Variants in ADD3 observed in about 807,000 individuals in gnomAD.
The protein encoded by ADD3 is adducin 3.
A neutral mutation model predicts 80.2 loss-of-function variants in ADD3; 25 were observed. The ratio of observed to expected loss-of-function variants is 0.31; its 90% CI spans 0.23 to 0.44. The LOEUF (loss-of-function observed/expected upper bound fraction) is 0.44, where lower values mean the gene tolerates loss of function less well. ADD3 is among the 20% of genes least tolerant of loss of function. The pLI, the probability that ADD3 is intolerant of heterozygous loss-of-function variation, is 1.00. For missense variants in ADD3, 829 were observed against 847.5 expected, an observed-to-expected ratio of 0.98 and a Z score of 0.27; for synonymous variants, 284 against 289.6, an observed-to-expected ratio of 0.98 and a Z score of 0.20.
intron 9 of ADD3, 61 bp downstream of exon 9, chr10:110,122,353 T>C (rs996047722): frequency 1.8e-5 from 27 of 1,471,812 alleles, no homozygotes; most frequent in Non-Finnish European, 2.4e-5. Flanking sequence ...GAGCAGATGC[T>C]TCCATTTTTG....
intron 1 of ADD3, among the ~76,000 whole-genome samples, chr10:110,065,233 A>G (rs1201050234): frequency 1.3e-5 from 2 of 152,150 alleles, no homozygotes; most frequent in African/African-American, 4.8e-5. Flanking sequence ...TTTGTTAGAT[A>G]TACAATTCCT....
upstream of ADD3, among the ~76,000 whole-genome samples, chr10:110,003,105 G>A (rs1327410257): frequency 1.3e-5 from 2 of 151,886 alleles, no homozygotes; most frequent in Non-Finnish European, 2.9e-5. Flanking sequence ...ATAACATTAT[G>A]TAGTTTGAAA....
chr10:110,042,560 A>G (rs1361288022), intron 1 of ADD3, among the ~76,000 whole-genome samples: 2 of 152,186 alleles, frequency 1.3e-5, no homozygotes, highest in African/African-American at 2.4e-5. Flanking sequence ...TTATAATAAT[A>G]CTATCTTTAA....
intron 1 of ADD3, among the ~76,000 whole-genome samples, chr10:110,026,776 ATTT>A (rs199911023): frequency 6.9e-6 from 1 of 145,692 alleles, no homozygotes. Flanking sequence ...TTAATGATTG[ATTT>A]TTTTTTTTTT....
chr10:110,023,570 T>A (rs190409000), intron 1 of ADD3, among the ~76,000 whole-genome samples: 47 of 152,196 alleles, frequency 3.1e-4, no homozygotes, highest in African/African-American at 9.7e-4. Context: ...AATGTGGCAT[T>A]TGACTCCATT....
intron 1 of ADD3, among the ~76,000 whole-genome samples, chr10:110,072,400 C>G (rs2133659556): frequency 6.6e-6 from 1 of 152,282 alleles, no homozygotes; most frequent in South Asian, 2.1e-4. Flanking sequence ...CTTTTTCAAC[C>G]CCTGGTCTAG....
At chr10:110,026,085 A>G (rs974506835) in intron 1 of ADD3, among the ~76,000 whole-genome samples, 8 of 152,306 alleles carry the variant, frequency 5.3e-5, no homozygotes, top group Admixed American at 5.2e-4. Context: ...AGTCATGTAC[A>G]TGGTAAATGT....
intron 1 of ADD3, among the ~76,000 whole-genome samples, chr10:110,053,792 TTAA>T (rs1857804444): frequency 6.6e-6 from 1 of 152,196 alleles, no homozygotes; most frequent in African/African-American, 2.4e-5. Context: ...GTTGAAAGTA[TTAA>T]TAAGTTTAAC....
intron 12 of ADD3, among the ~76,000 whole-genome samples, chr10:110,126,897 T>G (rs1852239191): frequency 6.6e-6 from 1 of 152,252 alleles, no homozygotes; most frequent in Non-Finnish European, 1.5e-5. Flanking sequence ...TCTATCAGTT[T>G]TAGACCTTGA....
At position 110,061,014 on chromosome 10, in the gene ADD3, C is replaced by T. The variant is rs568279218; in HGVS notation, c.-29-39611C>T. 2.0e-5 allele frequency among the ~76,000 whole-genome samples: 3 copies of T among 152,312 alleles called. No individual in the cohort carries two copies. In the East Asian group the frequency reaches 5.8e-4, roughly 29 times the overall value. ...AATTGGACTAGATGACCTTTAAGGT[C>T]CTTTTGACCGTATTTGACATTCACT... On this transcript the variant is annotated intron_variant, in intron 1 of 14. Coordinates refer to ENST00000356080, the MANE Select transcript of ADD3 (RefSeq NM_016824.5).
intron 1 of ADD3, among the ~76,000 whole-genome samples, chr10:110,074,452 A>G (rs947356865): frequency 1.2e-4 from 18 of 152,096 alleles, no homozygotes; most frequent in Non-Finnish European, 2.4e-4. Flanking sequence ...TCTATGTTGT[A>G]TTTGAGAATG....
At chr10:110,130,138 A>G (rs148857658) in intron 12 of ADD3, among the ~76,000 whole-genome samples, 1 of 152,306 alleles carries the variant, frequency 6.6e-6, no homozygotes, top group East Asian at 1.9e-4. Context: ...AGGCTTATTG[A>G]GGAAATATCA....
chr10:110,090,648 TATTA>T (rs748903626), intron 1 of ADD3, among the ~76,000 whole-genome samples: 2 of 152,238 alleles, frequency 1.3e-5, no homozygotes, highest in African/African-American at 2.4e-5. Flanking sequence ...CAAGAGTTTA[TATTA>T]ATTCATATTA....
At chr10:110,126,247 G>A (rs1046225536) in intron 11 of ADD3, among the ~76,000 whole-genome samples, 170 bp from the exon 12 acceptor site, 5 of 152,288 alleles carry the variant, frequency 3.3e-5, no homozygotes, top group Admixed American at 3.3e-4. Context: ...AAAGAGCAGA[G>A]GAGACTAATA....
chr10:110,051,378 A>G (rs999268036), intron 1 of ADD3, among the ~76,000 whole-genome samples: 3 of 152,220 alleles, frequency 2.0e-5, no homozygotes, highest in Non-Finnish European at 4.4e-5. Context: ...AAAATGGTGC[A>G]ACTGCTATGG....
intron 1 of ADD3, among the ~76,000 whole-genome samples, chr10:110,047,147 A>G (rs1856991894): frequency 6.6e-6 from 1 of 152,242 alleles, no homozygotes. Context: ...AGCTAAATAA[A>G]TATTATTCAT....
intron 1 of ADD3, among the ~76,000 whole-genome samples, chr10:110,021,338 G>A (rs1472448784): frequency 6.6e-6 from 1 of 152,104 alleles, no homozygotes; most frequent in Non-Finnish European, 1.5e-5. Context: ...AAATGGTAAC[G>A]GTTTACGATC....
At position 110,112,937 on chromosome 10, in the gene ADD3, T is replaced by G. The variant is rs1214624018; in HGVS notation, c.334+22T>G. 2.5e-6 allele frequency: 4 copies of G among 1,606,796 alleles called. No homozygotes were observed. In the South Asian group the frequency reaches 4.5e-5, roughly 18 times the overall value. On this transcript the variant is annotated intron_variant, in intron 3 of 14. Transcript: ENST00000356080. ...CTCAGTATGTCAGTTTTGGAGAGTTTTAAACATTATAATTTTACTTCCACT... is the reference window on the plus strand; with the variant it reads ...CTCAGTATGTCAGTTTTGGAGAGTTGTAAACATTATAATTTTACTTCCACT...
chr10:109,998,685 C>T (rs1175552267), intron 1 of ADD3, among the ~76,000 whole-genome samples: 2 of 152,024 alleles, frequency 1.3e-5, no homozygotes, highest in Non-Finnish European at 2.9e-5. Context: ...CCATGCCTTT[C>T]CCTCAATCTC....
Sources: allele counts gnomAD v4.1 joint callset (sites outside exome capture counted in the v4.1 genomes callset), GRCh38; gene constraint gnomAD v4.1.1; transcripts MANE v1.5; gene names NCBI Gene and HGNC (gene_info 2026-07-23, HGNC 2026-07-21).